Variants in DOCK10 observed in about 807,000 individuals in gnomAD.
The protein encoded by DOCK10 is dedicator of cytokinesis 10.
DOCK10 carries 145 observed loss-of-function variants against 280.1 expected under a neutral mutation model. The observed-to-expected ratio is 0.52, with a 90% CI of 0.45 to 0.59. The LOEUF (loss-of-function observed/expected upper bound fraction) is 0.59, where lower values mean the gene tolerates loss of function less well. Among genes scored for constraint, DOCK10 ranks in the 20% least tolerant of loss-of-function variants. DOCK10 has a pLI of 0.00. For synonymous variants in DOCK10, 915 were observed against 942.2 expected (o/e 0.97, Z 0.53); for missense variants, 2,368 against 2,651.7 (o/e 0.89, Z 2.35).
intron 23 of DOCK10, 98 bp downstream of exon 23, chr2:224,841,706 T>C: frequency 1.4e-6 from 1 of 712,576 alleles, no homozygotes; most frequent in South Asian, 1.8e-5. Context: ...TCTTGAGTAA[T>C]AATCATCTCC....
At chr2:224,813,487 C>T (rs114589400) in intron 31 of DOCK10, among the ~76,000 whole-genome samples, 1,567 of 152,208 alleles carry the variant, frequency 0.01, 21 homozygotes, top group African/African-American at 0.035. Context: ...TGATCCACCG[C>T]GCCCAATTTT....
chr2:224,790,834 C>T (rs1692134074), intron 47 of DOCK10, among the ~76,000 whole-genome samples: 1 of 151,818 alleles, frequency 6.6e-6, no homozygotes, highest in Admixed American at 6.6e-5. Context: ...TCAAAAATAT[C>T]AAAATAGAAA....
chr2:224,919,035 G>A (rs757016021), intron 2 of DOCK10, among the ~76,000 whole-genome samples: 3 of 147,030 alleles, frequency 2.0e-5, no homozygotes, highest in Non-Finnish European at 4.5e-5. Flanking sequence ...GGTGTGTGTG[G>A]TGAGTGTATG....
At chr2:225,000,868 C>T (rs760856905) in intron 1 of DOCK10, among the ~76,000 whole-genome samples, 3 of 152,114 alleles carry the variant, frequency 2.0e-5, no homozygotes, top group Non-Finnish European at 4.4e-5. Context: ...CCCAGCTACT[C>T]GGGAGGCTGA....
chr2:224,911,111 G>A (rs746329914), intron 3 of DOCK10, among the ~76,000 whole-genome samples: 10 of 152,038 alleles, frequency 6.6e-5, no homozygotes, highest in Non-Finnish European at 1.3e-4. Flanking sequence ...TGGGATCTAG[G>A]GCGAAAGGCA....
At chr2:224,855,927 C>T (rs1697104279) in intron 15 of DOCK10, among the ~76,000 whole-genome samples, 1 of 152,068 alleles carries the variant, frequency 6.6e-6, no homozygotes, top group African/African-American at 2.4e-5. Context: ...CAAAATTCAC[C>T]ACTTTCTGAT....
At chr2:224,773,693 G>A (rs1226043567) in intron 52 of DOCK10, among the ~76,000 whole-genome samples, 33 of 150,824 alleles carry the variant, frequency 2.2e-4, no homozygotes, top group Non-Finnish European at 4.0e-4. Context: ...GTGCAGTGGC[G>A]CGATCTCGGC....
chr2:224,837,783 A>G lies in DOCK10; in HGVS notation c.2829T>C (p.His943=). ...ATACCTTAATATATGACTGGACAGAATGATCCAGCTGCTCCTCATGGCACT... is the reference window on the plus strand; with the variant it reads ...ATACCTTAATATATGACTGGACAGAGTGATCCAGCTGCTCCTCATGGCACT... ...VAKCHEEQLD[H]SVQSYIKFVF... Residue 943 remains histidine (H), a synonymous_variant, in exon 25 of 56, where the codon CAT becomes CAC. Transcript: ENST00000258390. 1.2e-6 allele frequency: 2 copies of G among 1,613,968 alleles called. No homozygotes were observed. The highest frequency in any genetic ancestry group is 1.7e-5 in the Admixed American group (1 of 60,032).
At chr2:225,019,712 C>T (rs891221191) in intron 1 of DOCK10, among the ~76,000 whole-genome samples, 2 of 152,192 alleles carry the variant, frequency 1.3e-5, no homozygotes, top group Non-Finnish European at 2.9e-5. Flanking sequence ...TTTGCAAACA[C>T]TGCCCTTCAC....
At chr2:225,005,624 A>G (rs185163935) in intron 1 of DOCK10, among the ~76,000 whole-genome samples, 137 of 152,368 alleles carry the variant, frequency 9.0e-4, no homozygotes, top group Non-Finnish European at 1.8e-3. Flanking sequence ...ACTGAAAGTA[A>G]TGGTATAATA....
At chr2:224,808,209 G>T in intron 31 of DOCK10, 123 bp from the exon 32 acceptor site, 1 of 866,124 alleles carries the variant, frequency 1.2e-6, no homozygotes, top group Non-Finnish European at 1.8e-6. Flanking sequence ...CAGGAATACA[G>T]TCTTGCTACA....
chr2:224,871,240 C>G (rs778552198), intron 11 of DOCK10, among the ~76,000 whole-genome samples: 1 of 152,172 alleles, frequency 6.6e-6, no homozygotes, highest in African/African-American at 2.4e-5. Context: ...GCAAATCTCC[C>G]TCCCGTGTTA....
At chr2:224,837,705 T>A in intron 25 of DOCK10, 57 bp downstream of exon 25, 1 of 1,453,528 alleles carries the variant, frequency 6.9e-7, no homozygotes, top group South Asian at 1.1e-5. Flanking sequence ...AGACAGGAAA[T>A]GAGACAAGTC....
At chr2:224,852,700 G>A (rs994278883) in intron 17 of DOCK10, among the ~76,000 whole-genome samples, 7 of 151,984 alleles carry the variant, frequency 4.6e-5, no homozygotes, top group South Asian at 2.1e-4. Context: ...AAAAATAGTC[G>A]AACAAAATTA....
At chr2:225,002,334 A>G (rs77777097) in intron 1 of DOCK10, among the ~76,000 whole-genome samples, 2,202 of 152,264 alleles carry the variant, frequency 0.014, 56 homozygotes, top group African/African-American at 0.049. Flanking sequence ...GTCATCCTCA[A>G]TATCACTTAT....
intron 1 of DOCK10, among the ~76,000 whole-genome samples, chr2:224,967,370 G>A (rs59384405): frequency 0.02 from 3,057 of 152,222 alleles, 94 homozygotes; most frequent in African/African-American, 0.07. Flanking sequence ...GTGAGCCACC[G>A]CGCCCAGCCG....
intron 48 of DOCK10, among the ~76,000 whole-genome samples, chr2:224,787,808 G>A (rs999198892): frequency 6.6e-6 from 1 of 152,190 alleles, no homozygotes; most frequent in East Asian, 1.9e-4. Context: ...TATGTAAACT[G>A]CTGTCCAAAC....
chr2:224,876,016 A>T, intron 8 of DOCK10, 22 bp downstream of exon 8: 1 of 1,601,956 alleles, frequency 6.2e-7, no homozygotes, highest in Admixed American at 1.8e-5. Context: ...AAAGGAAGGA[A>T]GACGGCTTCA....
In DOCK10 at chr2:224,874,012, T is replaced by G; in HGVS notation, c.1241A>C (p.Asn414Thr). Residue 414 changes from asparagine to threonine, a missense_variant, in exon 11 of 56, where the codon AAT (asparagine) becomes ACT (threonine). By Grantham distance (65) the Asn-to-Thr change is moderately conservative. Around this residue, in one of 2 missense-constraint regions of DOCK10, gnomAD observed 1,209 missense variants for 1,250.9 expected, o/e 0.97. Transcript: ENST00000258390. Reference sequence around the variant, plus strand: ...GAAACTTACATTCGTTATCGGATCATTTTCATTCTCCGTAACACATCCCTG... The same window carrying G: ...GAAACTTACATTCGTTATCGGATCAGTTTCATTCTCCGTAACACATCCCTG... ...NLQGCVTENE[N>T]DPITNIEPFF... 6.2e-7 allele frequency: 1 copy of G among 1,611,412 alleles called. No individual in the cohort carries two copies. Among genetic ancestry groups the G allele is most frequent in the Non-Finnish European group, 8.5e-7 (1 of 1,179,298 alleles).
Sources: allele counts gnomAD v4.1 joint callset (sites outside exome capture counted in the v4.1 genomes callset), GRCh38; gene constraint gnomAD v4.1.1; regional missense constraint gnomAD v4.1.1; transcripts MANE v1.5; gene names NCBI Gene and HGNC (gene_info 2026-07-23, HGNC 2026-07-21).